EEPD1: variants seen among roughly 807,000 people sequenced by gnomAD.
The protein encoded by EEPD1 is endonuclease/exonuclease/phosphatase family domain-containing protein 1.
Under a neutral mutation model 46.3 loss-of-function variants are expected in EEPD1, and 17 were observed. The observed-to-expected ratio is 0.37, with a 90% CI of 0.25 to 0.55. EEPD1 has a LOEUF of 0.55. EEPD1 is among the 20% of genes least tolerant of loss of function. EEPD1 has a pLI of 0.83. For synonymous variants in EEPD1, 313 were observed against 315.6 expected, an observed-to-expected ratio of 0.99 and a Z score of 0.09; for missense variants, 673 against 745.6, an observed-to-expected ratio of 0.90 and a Z score of 1.13.
chr7:36,267,249 C>T (rs1787035988), intron 3 of EEPD1, among the ~76,000 whole-genome samples: 1 of 152,202 alleles, frequency 6.6e-6, no homozygotes, highest in Non-Finnish European at 1.5e-5. Context: ...AAATTCAGAT[C>T]CCCTCTTCAC....
At chr7:36,170,817 T>A (rs1018310106) in intron 2 of EEPD1, among the ~76,000 whole-genome samples, 21 of 152,220 alleles carry the variant, frequency 1.4e-4, no homozygotes, top group South Asian at 2.1e-4. Flanking sequence ...TCCAGTCCAA[T>A]GTTTAAGTGT....
chr7:36,281,830 A>T (rs951709523), intron 4 of EEPD1, among the ~76,000 whole-genome samples: 1 of 152,130 alleles, frequency 6.6e-6, no homozygotes, highest in Admixed American at 6.5e-5. Context: ...TTTTAAACAG[A>T]CTCCTGATAA....
intron 2 of EEPD1, among the ~76,000 whole-genome samples, chr7:36,218,972 C>T (rs113563182): frequency 1.3e-5 from 2 of 152,126 alleles, no homozygotes; most frequent in African/African-American, 2.4e-5. Flanking sequence ...AGTGTTAATA[C>T]TGGGTTTAGG....
At chr7:36,155,320 A>G (rs913741079) in intron 2 of EEPD1, 118 bp downstream of exon 2, 2 of 1,220,886 alleles carry the variant, frequency 1.6e-6, no homozygotes, top group Non-Finnish European at 2.1e-6. Context: ...GTTTTTAATC[A>G]ATGTTCTTGA....
intron 3 of EEPD1, among the ~76,000 whole-genome samples, chr7:36,277,515 G>GT (rs1357627771): frequency 6.6e-6 from 1 of 152,220 alleles, no homozygotes; most frequent in Non-Finnish European, 1.5e-5. Context: ...GGGTGGGCCT[G>GT]TGAGTTTGCA....
intron 2 of EEPD1, among the ~76,000 whole-genome samples, chr7:36,217,574 G>A (rs1416888110): frequency 6.6e-6 from 1 of 152,160 alleles, no homozygotes; most frequent in Non-Finnish European, 1.5e-5. Context: ...CAGCCTAGTA[G>A]GTCTCAGCCT....
At chr7:36,296,536 ATG>A (rs35022086) in intron 6 of EEPD1, among the ~76,000 whole-genome samples, 9,291 of 151,946 alleles carry the variant, frequency 0.061, 505 homozygotes, top group East Asian at 0.19. Context: ...TGGTTTCAGT[ATG>A]TGTGTTTGTT....
At chr7:36,160,246 C>T (rs1488103017) in intron 2 of EEPD1, among the ~76,000 whole-genome samples, 2 of 152,324 alleles carry the variant, frequency 1.3e-5, no homozygotes, top group African/African-American at 4.8e-5. Flanking sequence ...GAGAACAAGA[C>T]AAAGTCCCTG....
rs1441612883 is a variant in EEPD1, at chr7:36,157,407, C to T, written c.878+2205C>T. ...CAAAGACGGCTGGCCTCAGCGCTGG[C>T]TCCACCCTGCAGCCCACTGAGCAGG... On this transcript the variant is annotated intron_variant, in intron 2 of 7. Transcript: ENST00000242108. Among the ~76,000 whole-genome samples the T allele has an allele frequency of 5.9e-5, 9 of 152,214 alleles. No homozygotes were observed. The East Asian group carries it at 1.3e-3, about 23-fold the overall frequency.
chr7:36,289,552 A>T (rs976162942), intron 6 of EEPD1, among the ~76,000 whole-genome samples: 17 of 152,158 alleles, frequency 1.1e-4, no homozygotes, highest in African/African-American at 2.7e-4. Context: ...TGGAGTGCAG[A>T]GGCACGATCT....
Position 36,238,998 on chromosome 7 carries a change from G to T in EEPD1, c.892G>T (p.Ala298Ser). ...TTTTTCTTACAGCATCAAGCTTCTAGCTGTGCAAGAACTGCTTGACAGAGA... is the reference window on the plus strand; with the variant it reads ...TTTTTCTTACAGCATCAAGCTTCTATCTGTGCAAGAACTGCTTGACAGAGA... ...TLLENSIKLLAVQELLDREAL... is the reference protein window; with the variant it reads ...TLLENSIKLLSVQELLDREAL... Residue 298 changes from alanine to serine, a missense_variant, in exon 3 of 8, where the codon GCT (alanine) becomes TCT (serine). Ala to Ser is a moderately conservative substitution (Grantham distance 99). Transcript: ENST00000242108. 1.2e-6 allele frequency: 2 copies of T among 1,610,164 alleles called. No individual in the cohort carries two copies. The highest frequency in any genetic ancestry group is 8.5e-7 in the Non-Finnish European group (1 of 1,179,204).
intron 2 of EEPD1, among the ~76,000 whole-genome samples, chr7:36,197,204 G>A (rs1330507268): frequency 1.3e-5 from 2 of 150,446 alleles, no homozygotes; most frequent in Non-Finnish European, 3.0e-5. Flanking sequence ...AGTGAGGAGC[G>A]TCTCCGCCCG....
chr7:36,218,266 T>C (rs986114815), intron 2 of EEPD1, among the ~76,000 whole-genome samples: 1 of 152,120 alleles, frequency 6.6e-6, no homozygotes, highest in Non-Finnish European at 1.5e-5. Context: ...CCAAACCCTA[T>C]ATACTGTTTT....
At chr7:36,160,678 G>GGGC (rs1554308592) in intron 2 of EEPD1, among the ~76,000 whole-genome samples, 2 of 145,234 alleles carry the variant, frequency 1.4e-5, no homozygotes, top group Non-Finnish European at 3.0e-5. Context: ...GGAGGTGGTG[G>GGGC]GGGGCGGGGC....
At chr7:36,285,591 GAA>G (rs1348111130) in intron 5 of EEPD1, among the ~76,000 whole-genome samples, 4 of 152,304 alleles carry the variant, frequency 2.6e-5, no homozygotes, top group Admixed American at 1.3e-4. Flanking sequence ...AGCAGGTCAT[GAA>G]GTTGGCAGTC....
Position 36,299,169 on chromosome 7 carries a change from T to A in EEPD1, c.1673T>A (p.Leu558Ter). 6.2e-7 allele frequency: 1 copy of A among 1,614,168 alleles called. No homozygotes were observed. The highest frequency in any genetic ancestry group is 1.3e-5 in the African/African-American group (1 of 75,050). Residue 558 changes from leucine (L) to a stop codon, truncating the protein, a stop_gained, in exon 8 of 8, where the codon TTG becomes TAG. Transcript: ENST00000242108. LOFTEE classifies it high-confidence loss of function. ...CCTCGGAACGGCAGCGGGGTGGCCT[T>A]GGAGCGAAGTGAAGCCAACATCAAG... ...DAPRNGSGVA[L>*]ERSEANIKHE...
intron 2 of EEPD1, among the ~76,000 whole-genome samples, chr7:36,159,374 G>C (rs1784870005): frequency 6.6e-6 from 1 of 152,168 alleles, no homozygotes; most frequent in Non-Finnish European, 1.5e-5. Context: ...GAGGTTGAAG[G>C]GTGGGTGGAT....
intron 2 of EEPD1, among the ~76,000 whole-genome samples, chr7:36,183,446 A>G (rs1785308618): frequency 6.6e-6 from 1 of 152,134 alleles, no homozygotes; most frequent in Admixed American, 6.5e-5. Context: ...GGCTTCTGTC[A>G]CAGGAAACCC....
chr7:36,247,439 A>G (rs1786659177), intron 3 of EEPD1, among the ~76,000 whole-genome samples: 1 of 152,194 alleles, frequency 6.6e-6, no homozygotes, highest in Non-Finnish European at 1.5e-5. Context: ...TTCTGCAACA[A>G]TTGAGTGCTT....
Sources: allele counts gnomAD v4.1 joint callset (sites outside exome capture counted in the v4.1 genomes callset), GRCh38; gene constraint gnomAD v4.1.1; transcripts MANE v1.5; gene names NCBI Gene and HGNC (gene_info 2026-07-23, HGNC 2026-07-21).